DEPDC5: variants seen among roughly 807,000 people sequenced by gnomAD.
DEPDC5 encodes the protein GATOR1 complex protein DEPDC5.
In DEPDC5, 73 loss-of-function variants were observed where a neutral mutation model predicts 217.3. The ratio of observed to expected loss-of-function variants is 0.34; its 90% CI spans 0.28 to 0.41. The LOEUF (loss-of-function observed/expected upper bound fraction) is 0.41. DEPDC5 is among the 10% of genes least tolerant of loss of function. The pLI, the probability that DEPDC5 is intolerant of heterozygous loss-of-function variation, is 1.00. For synonymous variants in DEPDC5, 733 were observed against 756.7 expected (o/e 0.97, Z 0.51); for missense variants, 1,675 against 2,070.1 (o/e 0.81, Z 3.70).
chr22:31,804,353 G>T, intron 16 of DEPDC5, 130 bp downstream of exon 16: 1 of 853,216 alleles, frequency 1.2e-6, no homozygotes. Context: ...GATCCCTTAA[G>T]CCTAGGAGTT....
At chr22:31,787,442 G>A (rs761960580) in intron 10 of DEPDC5, among the ~76,000 whole-genome samples, 1 of 151,970 alleles carries the variant, frequency 6.6e-6, no homozygotes, top group East Asian at 1.9e-4. Flanking sequence ...CCAAAAGCAC[G>A]GCATCCAAAT....
At chr22:31,881,761 C>A (rs1400893467) in intron 38 of DEPDC5, among the ~76,000 whole-genome samples, 3 of 151,942 alleles carry the variant, frequency 2.0e-5, no homozygotes, top group Admixed American at 6.6e-5. Flanking sequence ...GCCTGGCCAA[C>A]ATGATGAAAC....
chr22:31,781,763 G>C (rs929530090), intron 8 of DEPDC5, among the ~76,000 whole-genome samples: 1 of 152,180 alleles, frequency 6.6e-6, no homozygotes, highest in African/African-American at 2.4e-5. Flanking sequence ...GCTGAACATG[G>C]TGGCTCACGC....
chr22:31,776,238 G>C (rs1199995864), intron 7 of DEPDC5, among the ~76,000 whole-genome samples: 1 of 151,480 alleles, frequency 6.6e-6, no homozygotes, highest in Non-Finnish European at 1.5e-5. Flanking sequence ...CAGCCTCCTA[G>C]GTAGCTGGGA....
At chr22:31,835,886 T>C (rs1029058013) in intron 25 of DEPDC5, among the ~76,000 whole-genome samples, 6 of 152,226 alleles carry the variant, frequency 3.9e-5, no homozygotes, top group Middle Eastern at 3.2e-3. Context: ...ACACAAATTT[T>C]GTTCTTCATT....
At chr22:31,777,425 T>TG (rs1756007198) in intron 7 of DEPDC5, among the ~76,000 whole-genome samples, 1 of 142,430 alleles carries the variant, frequency 7.0e-6, no homozygotes, top group South Asian at 2.2e-4. Flanking sequence ...CACGCCCAGC[T>TG]AATTTTTTTT....
At chr22:31,811,424 C>G (rs939551891) in intron 20 of DEPDC5, among the ~76,000 whole-genome samples, 5 of 152,174 alleles carry the variant, frequency 3.3e-5, no homozygotes, top group Admixed American at 2.6e-4. Context: ...CAGAATCTTC[C>G]TCTCACTGGG....
intron 7 of DEPDC5, among the ~76,000 whole-genome samples, chr22:31,777,427 A>T (rs1441652069): frequency 6.9e-6 from 1 of 144,236 alleles, no homozygotes; most frequent in South Asian, 2.2e-4. Context: ...CGCCCAGCTA[A>T]TTTTTTTTTT....
intron 31 of DEPDC5, among the ~76,000 whole-genome samples, chr22:31,856,810 C>T (rs1262696566): frequency 6.6e-6 from 1 of 152,104 alleles, no homozygotes; most frequent in Non-Finnish European, 1.5e-5. Flanking sequence ...TGTTTTGTCG[C>T]ACAGGCTGGA....
intron 12 of DEPDC5, among the ~76,000 whole-genome samples, chr22:31,794,576 G>A (rs2086032056): frequency 6.6e-6 from 1 of 151,998 alleles, no homozygotes; most frequent in Non-Finnish European, 1.5e-5. Flanking sequence ...AAACAATACA[G>A]GTTCATTTTA....
chr22:31,767,736 T>C (rs1718983643), intron 6 of DEPDC5, among the ~76,000 whole-genome samples: 1 of 151,696 alleles, frequency 6.6e-6, no homozygotes, highest in East Asian at 1.9e-4. Flanking sequence ...CCGGCCCATT[T>C]TTTAATTATT....
chr22:31,902,733 G>A (rs1176196647), intron 41 of DEPDC5, among the ~76,000 whole-genome samples: 1 of 152,030 alleles, frequency 6.6e-6, no homozygotes, highest in East Asian at 1.9e-4. Context: ...GGAACCATGA[G>A]CAATTCTGGA....
intron 29 of DEPDC5, 57 bp from the exon 30 acceptor site, chr22:31,844,961 G>A (rs564972310): frequency 9.5e-6 from 15 of 1,572,876 alleles, no homozygotes; most frequent in Middle Eastern, 1.7e-4. Context: ...TTTACTGAGA[G>A]TGCTTTCATT....
At chr22:31,817,170 C>CGT (rs1445221303) in intron 21 of DEPDC5, 1 of 157,174 alleles carries the variant, frequency 6.4e-6, no homozygotes, top group Non-Finnish European at 1.4e-5. Context: ...AGTGCAATGG[C>CGT]GTGATCTTGG....
chr22:31,896,430 ATTTG>A (rs1481562690), intron 39 of DEPDC5, among the ~76,000 whole-genome samples: 4 of 152,186 alleles, frequency 2.6e-5, no homozygotes, highest in African/African-American at 9.6e-5. Context: ...TTACATAATC[ATTTG>A]TTTAAGTCAA....
At chr22:31,778,786 T>C (rs1356439271) in intron 8 of DEPDC5, among the ~76,000 whole-genome samples, 5 of 152,174 alleles carry the variant, frequency 3.3e-5, no homozygotes, top group African/African-American at 1.2e-4. Context: ...CTGGTAAAAC[T>C]GTATGTCTAC....
intron 21 of DEPDC5, chr22:31,817,082 CT>C (rs2148782830): frequency 6.2e-6 from 1 of 161,924 alleles, no homozygotes; most frequent in South Asian, 1.7e-4. Flanking sequence ...CACATTGTTT[CT>C]GTAAAGTGAC....
chr22:31,792,859 G>A (rs756261840), intron 12 of DEPDC5, 42 bp downstream of exon 12: 1 of 1,425,072 alleles, frequency 7.0e-7, no homozygotes, highest in Non-Finnish European at 9.3e-7. Context: ...TTATTTATTA[G>A]TTGTTTCTTT....
chr22:31,802,033 T>C (rs2086913651), intron 14 of DEPDC5, among the ~76,000 whole-genome samples: 1 of 147,866 alleles, frequency 6.8e-6, no homozygotes, highest in Non-Finnish European at 1.5e-5. Context: ...CATTAATATA[T>C]ATAATATTAA....
Sources: gnomAD v4.1 joint callset for allele counts (sites outside exome capture counted in the v4.1 genomes callset) on GRCh38, gnomAD v4.1.1 for gene constraint, MANE v1.5 for transcripts, NCBI Gene and HGNC (gene_info 2026-07-23, HGNC 2026-07-21) for gene names.